IL18R1: variants seen among roughly 807,000 people sequenced by gnomAD.
The protein encoded by IL18R1 is interleukin-18 receptor 1.
IL18R1 carries 40 observed loss-of-function variants against 48.5 expected under a neutral mutation model. The ratio of observed to expected loss-of-function variants is 0.82; its 90% CI spans 0.64 to 1.07. The LOEUF (loss-of-function observed/expected upper bound fraction) is 1.07. Ranked by LOEUF, IL18R1 falls within the 50% of genes least tolerant of loss-of-function variation. The pLI, the probability that IL18R1 is intolerant of heterozygous loss-of-function variation, is 0.00. For synonymous variants in IL18R1, 232 were observed against 225.9 expected (o/e 1.03, Z -0.24); for missense variants, 596 against 633.7 (o/e 0.94, Z 0.64).
In IL18R1 at chr2:102,367,955, G is replaced by A. The variant is rs370305765; in HGVS notation, c.189G>A (p.Gln63=). ...TKSWYKSSGS[Q]EHVELNPRSS... Reference sequence around the variant, plus strand: ...GCTGGTACAAAAGCAGTGGATCACAGGAACATGTGGAGCTGAACCCAAGGA... The same window carrying A: ...GCTGGTACAAAAGCAGTGGATCACAAGAACATGTGGAGCTGAACCCAAGGA... Residue 63 remains glutamine (Q), a synonymous_variant, in exon 3 of 11, where the codon CAG becomes CAA. Coordinates refer to ENST00000233957, the MANE Select transcript of IL18R1 (RefSeq NM_003855.5). The A allele has an allele frequency of 9.9e-6, 16 of 1,614,122 alleles. No individual in the cohort carries two copies. The highest frequency in any genetic ancestry group is 1.3e-5 in the Non-Finnish European group (15 of 1,180,056).
chr2:102,378,403 G>C (rs1165638645), intron 5 of IL18R1, among the ~76,000 whole-genome samples: 1 of 152,158 alleles, frequency 6.6e-6, no homozygotes, highest in Non-Finnish European at 1.5e-5. Flanking sequence ...ATGGCTCTAG[G>C]GACAGTAAGA....
intron 5 of IL18R1, among the ~76,000 whole-genome samples, chr2:102,379,098 A>T (rs1679765080): frequency 1.3e-5 from 2 of 152,144 alleles, no homozygotes; most frequent in Admixed American, 6.5e-5. Flanking sequence ...ATAACAAAAG[A>T]CAGATTAACA....
chr2:102,388,418 A>G (rs1335010792), intron 8 of IL18R1, among the ~76,000 whole-genome samples: 1 of 152,170 alleles, frequency 6.6e-6, no homozygotes, highest in East Asian at 1.9e-4. Flanking sequence ...CTGTGTTCTT[A>G]CCTTCTGCAG....
chr2:102,387,065 G>C, intron 8 of IL18R1, 65 bp downstream of exon 8: 2 of 1,512,370 alleles, frequency 1.3e-6, no homozygotes, highest in Non-Finnish European at 1.8e-6. Context: ...ACATTTCAAA[G>C]ATGGCCACTT....
chr2:102,390,202 G>C lies in IL18R1; in HGVS notation c.1096G>C (p.Asp366His), dbSNP rs374553958. 4.3e-5 allele frequency: 69 copies of C among 1,613,684 alleles called. No homozygotes were observed. The highest frequency in any genetic ancestry group is 5.3e-5 in the Non-Finnish European group (63 of 1,179,832). ...VLFYRHLTRR[D>H]ETLTDGKTYD... is the part of the protein sequence containing the mutation. Reference sequence around the variant, plus strand: ...ATTTTATAGACATTTAACGAGAAGAGATGAAACATTAACAGGTAACACATA... The same window carrying C: ...ATTTTATAGACATTTAACGAGAAGACATGAAACATTAACAGGTAACACATA... Residue 366 changes from aspartate to histidine, a missense_variant, in exon 9 of 11, where the codon GAT becomes CAT. By Grantham distance (81) the Asp-to-His change is moderately conservative (BLOSUM62 -1). Around this residue, in one of 3 missense-constraint regions of IL18R1, gnomAD observed 179 missense variants for 206.1 expected, o/e 0.87. Coordinates refer to ENST00000233957, the MANE Select transcript of IL18R1 (RefSeq NM_003855.5).
intron 6 of IL18R1, among the ~76,000 whole-genome samples, chr2:102,382,892 T>C (rs1680000040): frequency 6.6e-6 from 1 of 152,206 alleles, no homozygotes; most frequent in Non-Finnish European, 1.5e-5. Context: ...TCTAGTTTGT[T>C]GACCTGAAGA....
intron 3 of IL18R1, among the ~76,000 whole-genome samples, chr2:102,370,884 T>C (rs1431849340): frequency 6.6e-6 from 1 of 152,238 alleles, no homozygotes. Flanking sequence ...GGCACAAATG[T>C]GTCAGGCATA....
At chr2:102,381,583 A>T (rs753919788) in intron 5 of IL18R1, 37 bp from the exon 6 acceptor site, 3 of 1,475,404 alleles carry the variant, frequency 2.0e-6, no homozygotes, top group Non-Finnish European at 2.8e-6. Flanking sequence ...GCTCAAGGCA[A>T]CACTAATACA....
In IL18R1 at chr2:102,396,730, G is replaced by A; in HGVS notation, c.1470G>A (p.Lys490=). 1 of 1,614,044 alleles carries A rather than the reference G, an allele frequency of 6.2e-7. No homozygotes were observed. The highest frequency in any genetic ancestry group is 2.2e-5 in the East Asian group (1 of 44,878). Residue 490 remains lysine, a synonymous_variant, in exon 11 of 11, where the codon AAG becomes AAA. Transcript: ENST00000233957. ...TCACATTCTTGCCCCAATCACTAAA[G>A]CTTTTGAAATCTCACAGAGTTCTGA... ...TDFTFLPQSL[K]LLKSHRVLKW...
At chr2:102,369,899 G>A (rs1324050156) in intron 3 of IL18R1, among the ~76,000 whole-genome samples, 1 of 152,140 alleles carries the variant, frequency 6.6e-6, no homozygotes, top group African/African-American at 2.4e-5. Flanking sequence ...AGAAGGAAGG[G>A]GATACAAAAG....
chr2:102,377,502 G>A (rs1299013429), intron 5 of IL18R1, among the ~76,000 whole-genome samples: 30 of 152,138 alleles, frequency 2.0e-4, no homozygotes, highest in Admixed American at 2.0e-3. Flanking sequence ...TTTTTTAGTA[G>A]AGACGGGGTT....
intron 4 of IL18R1, 63 bp from the exon 5 acceptor site, chr2:102,375,844 G>T: frequency 9.1e-7 from 1 of 1,095,630 alleles, no homozygotes; most frequent in South Asian, 2.5e-5. Flanking sequence ...TCAAAAATTT[G>T]GATCACTGTA....
At chr2:102,368,478 A>G (rs1679044425) in intron 3 of IL18R1, among the ~76,000 whole-genome samples, 1 of 152,142 alleles carries the variant, frequency 6.6e-6, no homozygotes, top group Non-Finnish European at 1.5e-5. Flanking sequence ...GGTGGGGAGC[A>G]GGGATGGGGT....
Position 102,362,699 on chromosome 2 carries a change from T to C in IL18R1, c.39T>C (p.Leu13=). ...AATTACCCTTGACCCTTTGGGTGCT[T>C]ATATCTGTAAGCACTGCAGGTAAGT... ...CRELPLTLWV[L]ISVSTAESCT... The change falls in exon 2 of 11, where the codon CTT becomes CTC. Residue 13 remains leucine (L), a synonymous_variant. Transcript: ENST00000233957. The C allele has an allele frequency of 1.2e-6, 2 of 1,601,974 alleles. No individual in the cohort carries two copies. Among genetic ancestry groups the C allele is most frequent in the Admixed American group, 1.7e-5 (1 of 58,534 alleles).
chr2:102,359,986 G>A (rs1406451710), intron 1 of IL18R1, among the ~76,000 whole-genome samples: 1 of 152,208 alleles, frequency 6.6e-6, no homozygotes, highest in East Asian at 1.9e-4. Context: ...GAACAGGCAA[G>A]TCAGTTGCCC....
intron 4 of IL18R1, 46 bp downstream of exon 4, chr2:102,372,164 T>A: frequency 6.8e-7 from 1 of 1,470,874 alleles, no homozygotes; most frequent in Non-Finnish European, 9.2e-7. Context: ...ATGGAAAAGA[T>A]AAAATTCCCA....
chr2:102,383,593 GT>G (rs1385165741), intron 6 of IL18R1, among the ~76,000 whole-genome samples: 1 of 151,906 alleles, frequency 6.6e-6, no homozygotes, highest in East Asian at 1.9e-4. Flanking sequence ...AATCACACAA[GT>G]TTTCTTTTGC....
At chr2:102,390,249 T>G (rs1206455095) in intron 9 of IL18R1, 32 bp downstream of exon 9, 2 of 1,578,264 alleles carry the variant, frequency 1.3e-6, no homozygotes, top group Non-Finnish European at 1.7e-6. Flanking sequence ...TTTCTTACCT[T>G]ATGTTCTCAT....
chr2:102,375,934 A>C lies in IL18R1; in HGVS notation c.496A>C (p.Asn166His), dbSNP rs748583457. Residue 166 changes from asparagine to histidine, a missense_variant, in exon 5 of 11, where the codon AAT becomes CAT. Transcript: ENST00000233957. ...CTGTAAAAAGCTACTACTGGAGAAC[A>C]ATAAAAACCCAACGATAAAGAAGAA... is the stretch of plus-strand genomic sequence containing the variant. ...KNCKKLLLEN[N>H]KNPTIKKNAE... The C allele has an allele frequency of 1.9e-6, 3 of 1,596,386 alleles. No homozygotes were observed. In the South Asian group the frequency reaches 3.5e-5, roughly 18 times the overall value.
Sources: gnomAD v4.1 joint callset for allele counts (sites outside exome capture counted in the v4.1 genomes callset) on GRCh38, gnomAD v4.1.1 for gene constraint, gnomAD v4.1.1 regional missense constraint, MANE v1.5 for transcripts, NCBI Gene and HGNC (gene_info 2026-07-23, HGNC 2026-07-21) for gene names.